ZBTB20: variants seen among roughly 807,000 people sequenced by gnomAD.
The protein encoded by ZBTB20 is zinc finger and BTB domain containing 20, also known as zinc finger and BTB domain-containing protein 20.
A neutral mutation model predicts 56.9 loss-of-function variants in ZBTB20; 9 were observed. The ratio of observed to expected loss-of-function variants is 0.16; its 90% CI spans 0.10 to 0.28. The LOEUF (loss-of-function observed/expected upper bound fraction) is 0.28, where lower values mean the gene tolerates loss of function less well. Ranked by LOEUF, ZBTB20 falls within the 10% of genes least tolerant of loss-of-function variation. The probability of loss-of-function intolerance (pLI) is 1.00; values close to 1 mark genes in which losing one functional copy is unlikely to be tolerated. For missense variants in ZBTB20, 655 were observed against 1,003.0 expected (o/e 0.65, Z 4.69); for synonymous variants, 417 against 420.7 (o/e 0.99, Z 0.11).
chr3:114,482,665 T>C (rs1251702137), intron 7 of ZBTB20, among the ~76,000 whole-genome samples: 1 of 152,174 alleles, frequency 6.6e-6, no homozygotes, highest in Non-Finnish European at 1.5e-5. Flanking sequence ...CATGGATGTA[T>C]GTGTGTGTTC....
chr3:114,368,493 C>T (rs113107567), intron 10 of ZBTB20, among the ~76,000 whole-genome samples: 1,841 of 152,308 alleles, frequency 0.012, 22 homozygotes, highest in Middle Eastern at 0.02. Flanking sequence ...CTCATTGCTT[C>T]TAAGTTCACT....
At chr3:114,675,994 G>A (rs1007921427) in intron 6 of ZBTB20, among the ~76,000 whole-genome samples, 7 of 151,558 alleles carry the variant, frequency 4.6e-5, no homozygotes, top group Non-Finnish European at 8.8e-5. Context: ...TTATTACTCC[G>A]ATTTTATTGG....
chr3:114,499,375 A>G lies in ZBTB20; in HGVS notation c.-255+977T>C, dbSNP rs144584278. Among the ~76,000 whole-genome samples the G allele has an allele frequency of 2.3e-3, 343 of 152,356 alleles. 1 individual carries two copies. Among genetic ancestry groups the G allele is most frequent in the Middle Eastern group, 3.4e-3 (1 of 294 alleles). ...TCTTCTAGGAATGTTAGTGGAAGGC[A>G]CGCATAAACAAAATAGCCATGGGAA... On this transcript the variant is annotated intron_variant, in intron 7 of 11. Coordinates refer to ENST00000675478, the MANE Select transcript of ZBTB20 (RefSeq NM_001348800.3).
chr3:114,919,836 C>A (rs2075890240), intron 3 of ZBTB20, among the ~76,000 whole-genome samples: 1 of 151,936 alleles, frequency 6.6e-6, no homozygotes. Context: ...AGTGGCTCAA[C>A]AGAAAACAAA....
At chr3:114,704,474 C>A (rs2063591094) in intron 5 of ZBTB20, among the ~76,000 whole-genome samples, 1 of 151,952 alleles carries the variant, frequency 6.6e-6, no homozygotes, top group African/African-American at 2.4e-5. Context: ...ACTTCAACAA[C>A]CATGCAGGTG....
intron 5 of ZBTB20, among the ~76,000 whole-genome samples, chr3:114,726,632 G>T (rs766634545): frequency 2.0e-5 from 3 of 152,112 alleles, no homozygotes; most frequent in Non-Finnish European, 4.4e-5. Context: ...AGTGAGATAG[G>T]CCGGGCGCGG....
intron 6 of ZBTB20, among the ~76,000 whole-genome samples, chr3:114,637,967 A>G (rs1187982702): frequency 6.6e-6 from 1 of 152,024 alleles, no homozygotes; most frequent in African/African-American, 2.4e-5. Context: ...AGTGGACACT[A>G]TTCCCTAACC....
intron 4 of ZBTB20, among the ~76,000 whole-genome samples, chr3:114,802,632 T>C (rs2071800059): frequency 6.6e-6 from 1 of 151,806 alleles, no homozygotes; most frequent in South Asian, 2.1e-4. Context: ...ATTATTTCCT[T>C]ATAAGGCAGC....
intron 2 of ZBTB20, among the ~76,000 whole-genome samples, chr3:115,031,995 T>C (rs1365781327): frequency 1.3e-5 from 2 of 151,514 alleles, no homozygotes; most frequent in African/African-American, 4.8e-5. Flanking sequence ...AGTGTCATAC[T>C]ATCATGACAA....
At chr3:115,143,049 T>C (rs1199976022) in intron 1 of ZBTB20, among the ~76,000 whole-genome samples, 1 of 152,218 alleles carries the variant, frequency 6.6e-6, no homozygotes, top group East Asian at 1.9e-4. Context: ...ATTTGAGAAC[T>C]ATGAACTAGG....
At chr3:114,682,730 T>C (rs943655197) in intron 6 of ZBTB20, among the ~76,000 whole-genome samples, 15 of 152,170 alleles carry the variant, frequency 9.9e-5, no homozygotes, top group African/African-American at 2.9e-4. Flanking sequence ...ACCAATAATA[T>C]ATGTGATAGA....
intron 7 of ZBTB20, among the ~76,000 whole-genome samples, chr3:114,392,298 C>T (rs576456175): frequency 2.0e-5 from 3 of 152,134 alleles, no homozygotes; most frequent in South Asian, 2.1e-4. Context: ...GTTTGTAACA[C>T]AAAAGATAAA....
intron 1 of ZBTB20, among the ~76,000 whole-genome samples, chr3:115,088,302 A>G (rs913262372): frequency 6.6e-6 from 1 of 151,868 alleles, no homozygotes; most frequent in African/African-American, 2.4e-5. Flanking sequence ...AAAGAATGCC[A>G]TTTGAGAAAA....
intron 1 of ZBTB20, among the ~76,000 whole-genome samples, chr3:115,126,514 T>G (rs1282488085): frequency 6.6e-6 from 1 of 152,032 alleles, no homozygotes; most frequent in Non-Finnish European, 1.5e-5. Flanking sequence ...AAATATTATA[T>G]AGAAGTGAAA....
intron 1 of ZBTB20, among the ~76,000 whole-genome samples, chr3:115,096,246 G>C (rs2083376779): frequency 6.6e-6 from 1 of 152,132 alleles, no homozygotes; most frequent in South Asian, 2.1e-4. Flanking sequence ...AGGGTAAACT[G>C]TTTCTATGTA....
At chr3:114,750,902 G>T (rs917645381) in intron 5 of ZBTB20, among the ~76,000 whole-genome samples, 6 of 152,060 alleles carry the variant, frequency 3.9e-5, no homozygotes, top group Non-Finnish European at 5.9e-5. Context: ...CATTTGCATT[G>T]AGGCCAAATT....
intron 3 of ZBTB20, among the ~76,000 whole-genome samples, chr3:114,933,695 G>A (rs2076434492): frequency 6.6e-6 from 1 of 152,096 alleles, no homozygotes; most frequent in Non-Finnish European, 1.5e-5. Flanking sequence ...AGCTAAAGTG[G>A]GTCACATACA....
intron 4 of ZBTB20, among the ~76,000 whole-genome samples, chr3:114,882,554 C>A (rs2076437317): frequency 6.6e-6 from 1 of 151,952 alleles, no homozygotes. Context: ...TGGTTAAATA[C>A]ATTTTGTGAC....
At chr3:114,632,706 T>A (rs2059026627) in intron 6 of ZBTB20, among the ~76,000 whole-genome samples, 2 of 152,244 alleles carry the variant, frequency 1.3e-5, no homozygotes, top group Non-Finnish European at 2.9e-5. Context: ...GCAGAATGTA[T>A]TTAATAATAT....
Sources: gnomAD v4.1 joint callset for allele counts (sites outside exome capture counted in the v4.1 genomes callset) on GRCh38, gnomAD v4.1.1 for gene constraint, MANE v1.5 for transcripts, NCBI Gene and HGNC (gene_info 2026-07-23, HGNC 2026-07-21) for gene names.